The following CYTIP variants were observed in gnomAD, a reference collection of about 807,000 sequenced individuals.
CYTIP encodes cytohesin-interacting protein.
Under a neutral mutation model 43.8 loss-of-function variants are expected in CYTIP, and 26 were observed. That is an observed-to-expected ratio of 0.59 (90% CI 0.44 to 0.82). The LOEUF (loss-of-function observed/expected upper bound fraction) is 0.82, where lower values mean the gene tolerates loss of function less well. Ranked by LOEUF, CYTIP falls within the 40% of genes least tolerant of loss-of-function variation. The probability of loss-of-function intolerance (pLI) is 0.00; values close to 1 mark genes in which losing one functional copy is unlikely to be tolerated. For synonymous variants in CYTIP, 162 were observed against 162.9 expected (o/e 0.99, Z 0.04); for missense variants, 426 against 443.1 (o/e 0.96, Z 0.35).
rs764310228 is a variant in CYTIP at position 157,416,097 on chromosome 2, T to G, written c.660A>C (p.Glu220Asp). ...CAGGCAGGGGTCCAAACAAAGACAA[T>G]TCATCCAAGTCCATGTTTTCCAAAC... ...CPSLENMDLD[E>D]LSLFGPLPGP... is the part of the protein sequence containing the mutation. The change falls in exon 8 of 8, where the codon GAA becomes GAC. Residue 220 changes from glutamate to aspartate, a missense_variant. Coordinates refer to ENST00000264192, the MANE Select transcript of CYTIP (RefSeq NM_004288.5). 7 of 1,613,596 alleles carry G rather than the reference T, an allele frequency of 4.3e-6. No individual in the cohort carries two copies. Among genetic ancestry groups the G allele is most frequent in the Non-Finnish European group, 5.9e-6 (7 of 1,179,838 alleles).
intron 7 of CYTIP, among the ~76,000 whole-genome samples, chr2:157,417,454 T>G (rs1685454983): frequency 1.3e-5 from 2 of 152,144 alleles, no homozygotes; most frequent in Admixed American, 1.3e-4. Context: ...CAGCAAGAAT[T>G]TATATTCACT....
intron 1 of CYTIP, among the ~76,000 whole-genome samples, chr2:157,443,095 C>T (rs1158291338): frequency 6.6e-6 from 1 of 152,132 alleles, no homozygotes; most frequent in Non-Finnish European, 1.5e-5. Flanking sequence ...TAGAGACAAA[C>T]TTTGCAATAA....
At chr2:157,424,183 T>C (rs1685566837) in intron 6 of CYTIP, among the ~76,000 whole-genome samples, 1 of 152,178 alleles carries the variant, frequency 6.6e-6, no homozygotes, top group East Asian at 1.9e-4. Flanking sequence ...ATCTCTACAG[T>C]AAATCCAAAA....
chr2:157,434,485 GATCT>G, intron 2 of CYTIP, 61 bp from the exon 3 acceptor site: 1 of 1,272,232 alleles, frequency 7.9e-7, no homozygotes. Flanking sequence ...ATTTGGCACA[GATCT>G]ATCATTAAAA....
At position 157,430,491 on chromosome 2, in the gene CYTIP, T is replaced by C. The variant is rs1314069169; in HGVS notation, c.476+68A>G. The C allele has an allele frequency of 3.6e-6, 5 of 1,370,734 alleles. No individual in the cohort carries two copies. The Admixed American group carries it at 8.4e-5, about 23-fold the overall frequency. The allele number at this position is 1,370,734 out of a possible 1,614,324, so 84.9% of individuals were successfully genotyped here. On this transcript the variant is annotated intron_variant, in intron 5 of 7. Transcript: ENST00000264192. ...TAATGCTGAACAAAAGGCCTATTTA[T>C]TCACTCATCAGGCTTTATGAGAAAA...
intron 3 of CYTIP, among the ~76,000 whole-genome samples, chr2:157,433,116 T>C (rs927804026): frequency 6.6e-6 from 1 of 152,212 alleles, no homozygotes; most frequent in African/African-American, 2.4e-5. Context: ...AGTAGTCGTT[T>C]ATCCAGTTTT....
intron 1 of CYTIP, among the ~76,000 whole-genome samples, chr2:157,439,840 GC>G (rs1685875915): frequency 6.6e-6 from 1 of 152,154 alleles, no homozygotes; most frequent in Non-Finnish European, 1.5e-5. Context: ...AAAAGATCAG[GC>G]ATTAATATTC....
At chr2:157,423,340 GA>G (rs1685553948) in intron 6 of CYTIP, among the ~76,000 whole-genome samples, 1 of 151,542 alleles carries the variant, frequency 6.6e-6, no homozygotes, top group Admixed American at 6.6e-5. Flanking sequence ...CAAACTGCAA[GA>G]AAAAAATGGG....
chr2:157,432,904 T>C (rs1259188231), intron 3 of CYTIP, among the ~76,000 whole-genome samples: 1 of 152,158 alleles, frequency 6.6e-6, no homozygotes, highest in African/African-American at 2.4e-5. Context: ...GGAGTGTGGG[T>C]TCCTGCATCA....
chr2:157,428,693 T>C (rs1334345822), intron 5 of CYTIP, among the ~76,000 whole-genome samples: 2 of 152,204 alleles, frequency 1.3e-5, no homozygotes, highest in African/African-American at 2.4e-5. Context: ...TACCAGCAGT[T>C]CCCCTCAGAC....
At chr2:157,417,142 T>C (rs1485626205) in intron 7 of CYTIP, among the ~76,000 whole-genome samples, 1 of 152,238 alleles carries the variant, frequency 6.6e-6, no homozygotes, top group East Asian at 1.9e-4. Flanking sequence ...TGTCCTCGGT[T>C]GACAATATAA....
In CYTIP at chr2:157,416,065, C is replaced by T. The variant is rs868389676; in HGVS notation, c.692G>A (p.Gly231Asp). The T allele has an allele frequency of 3.1e-6, 5 of 1,614,040 alleles. No individual in the cohort carries two copies. The highest frequency in any genetic ancestry group is 2.7e-5 in the African/African-American group (2 of 74,916). The change falls in exon 8 of 8, where the codon GGC becomes GAC. Residue 231 changes from glycine to aspartate, a missense_variant. Transcript: ENST00000264192. Reference protein sequence around the residue: ...LSLFGPLPGPGPALVDRNRLS... With the variant: ...LSLFGPLPGPDPALVDRNRLS... ...TCGATTCCGGTCCACAAGGGCTGGG[C>T]CTGGCCCAGGCAGGGGTCCAAACAA...
intron 1 of CYTIP, chr2:157,439,217 A>G (rs535206856): frequency 6.5e-6 from 1 of 153,560 alleles, no homozygotes; most frequent in Non-Finnish European, 1.5e-5. Flanking sequence ...GGTATTAGCT[A>G]AGAGGCTGTT....
chr2:157,425,222 T>C (rs1426031389), intron 6 of CYTIP, among the ~76,000 whole-genome samples: 1 of 152,146 alleles, frequency 6.6e-6, no homozygotes, highest in African/African-American at 2.4e-5. Flanking sequence ...TTCAATTACC[T>C]ATCAAAACTC....
Position 157,443,338 on chromosome 2 carries a change from CA to C in CYTIP, c.174+508del, listed in dbSNP as rs397871281. On this transcript the variant is annotated intron_variant, in intron 1 of 7. Transcript: ENST00000264192. ...ATATTCAATCTGGCACTCATCTATC[CA>C]AAAAAAAAAAATCTTACTTTCCAAT... 1.2e-3 allele frequency among the ~76,000 whole-genome samples: 178 copies of C among 143,586 alleles called. 2 individuals are homozygous for C. The highest frequency in any genetic ancestry group is 3.6e-3 in the Middle Eastern group (1 of 280). The allele number at this position is 143,586 out of a possible 152,430, so 94.2% of individuals were successfully genotyped here.
chr2:157,422,091 T>C (rs1264676534), intron 6 of CYTIP, among the ~76,000 whole-genome samples: 1 of 152,128 alleles, frequency 6.6e-6, no homozygotes, highest in African/African-American at 2.4e-5. Flanking sequence ...AGCTTGTATG[T>C]TGAAAGGCAG....
At chr2:157,430,704 T>A in intron 4 of CYTIP, 52 bp from the exon 5 acceptor site, 1 of 1,549,212 alleles carries the variant, frequency 6.5e-7, no homozygotes, top group South Asian at 1.1e-5. Flanking sequence ...AAATAATCCC[T>A]CCTGACATGC....
chr2:157,443,006 T>A (rs1235215493), intron 1 of CYTIP, among the ~76,000 whole-genome samples: 1 of 152,200 alleles, frequency 6.6e-6, no homozygotes, highest in Non-Finnish European at 1.5e-5. Context: ...AAAAAATTTT[T>A]ACATGTTAGA....
chr2:157,434,847 TCTCA>T (rs1286752618), intron 1 of CYTIP, 100 bp from the exon 2 acceptor site: 169 of 140,720 alleles, frequency 1.2e-3, no homozygotes, highest in African/African-American at 3.4e-3. Context: ...TCTCTCTCTC[TCTCA>T]CACACACACA....
Sources: gnomAD v4.1 joint callset for allele counts (sites outside exome capture counted in the v4.1 genomes callset) on GRCh38, gnomAD v4.1.1 for gene constraint, MANE v1.5 for transcripts, NCBI Gene and HGNC (gene_info 2026-07-23, HGNC 2026-07-21) for gene names.